Variants in SYNE2 observed in about 807,000 individuals in gnomAD.
The protein encoded by SYNE2 is nesprin-2.
Under a neutral mutation model 856.3 loss-of-function variants are expected in SYNE2, and 431 were observed. That is an observed-to-expected ratio of 0.50 (90% CI 0.47 to 0.55). The LOEUF is 0.55. SYNE2 is among the 20% of genes least tolerant of loss of function. The pLI, the probability that SYNE2 is intolerant of heterozygous loss-of-function variation, is 0.00. For synonymous variants in SYNE2, 2,923 were observed against 2,872.3 expected (o/e 1.02, Z -0.56); for missense variants, 8,129 against 8,023.2 (o/e 1.01, Z -0.50).
chr14:64,156,631 G>C (rs888873623), intron 85 of SYNE2, among the ~76,000 whole-genome samples: 1 of 151,342 alleles, frequency 6.6e-6, no homozygotes, highest in South Asian at 2.1e-4. Context: ...GCTAATTTTT[G>C]TATTATTAGT....
intron 1 of SYNE2, among the ~76,000 whole-genome samples, chr14:63,843,989 C>T (rs746653662): frequency 2.0e-5 from 3 of 152,116 alleles, no homozygotes; most frequent in Non-Finnish European, 2.9e-5. Flanking sequence ...TATCAGCATC[C>T]GGCACCAGAG....
intron 10 of SYNE2, among the ~76,000 whole-genome samples, chr14:63,965,031 T>G (rs2096372077): frequency 1.3e-5 from 2 of 151,348 alleles, no homozygotes; most frequent in Non-Finnish European, 2.9e-5. Flanking sequence ...GGTGTGACCT[T>G]GGCTCACTAC....
chr14:64,013,475 A>C (rs1026794679), intron 32 of SYNE2, among the ~76,000 whole-genome samples: 4 of 151,672 alleles, frequency 2.6e-5, no homozygotes, highest in African/African-American at 9.7e-5. Context: ...CCCTCACCCC[A>C]CTCCCACTGT....
chr14:63,962,961 C>G (rs547274852), intron 9 of SYNE2, among the ~76,000 whole-genome samples: 2 of 152,180 alleles, frequency 1.3e-5, no homozygotes, highest in Admixed American at 1.3e-4. Context: ...AACTCTTATT[C>G]TGCTTCTAAG....
intron 98 of SYNE2, among the ~76,000 whole-genome samples, 198 bp from the exon 99 acceptor site, chr14:64,189,873 G>C (rs554603339): frequency 1.3e-5 from 2 of 152,278 alleles, no homozygotes; most frequent in East Asian, 3.9e-4. Context: ...GTGTTGCACA[G>C]GCTAGTCTTG....
chr14:63,832,297 T>C (rs1566595930), intron 1 of SYNE2, among the ~76,000 whole-genome samples: 1 of 151,134 alleles, frequency 6.6e-6, no homozygotes, highest in Non-Finnish European at 1.5e-5. Context: ...AATCCAGGAG[T>C]TCAACACCAG....
In SYNE2 at chr14:64,049,738, A is replaced by G; in HGVS notation, c.7505A>G (p.Asp2502Gly). Residue 2502 changes from aspartate to glycine, a missense_variant, in exon 47 of 116, where the codon GAC (aspartate) becomes GGC (glycine). Around this residue, in one of 3 missense-constraint regions of SYNE2, gnomAD observed 5,410 missense variants for 5,284.8 expected, o/e 1.02. Transcript: ENST00000555002. ...HNIGYSAQHLDNLLQALITLK... is the reference protein window; with the variant it reads ...HNIGYSAQHLGNLLQALITLK... ...ATAGGATATTCGGCACAGCATTTGG[A>G]CAATTTGCTTCAGGCACTTATTACT... 1 of 1,614,168 alleles carries G rather than the reference A, an allele frequency of 6.2e-7. No individual in the cohort carries two copies. The highest frequency in any genetic ancestry group is 8.5e-7 in the Non-Finnish European group (1 of 1,180,020).
intron 12 of SYNE2, among the ~76,000 whole-genome samples, chr14:63,977,119 A>G (rs1365685362): frequency 6.6e-6 from 1 of 152,188 alleles, no homozygotes; most frequent in Non-Finnish European, 1.5e-5. Flanking sequence ...AAAGGAATGG[A>G]AAATACACCA....
intron 11 of SYNE2, among the ~76,000 whole-genome samples, chr14:63,968,410 G>A (rs752059856): frequency 2.0e-5 from 3 of 152,042 alleles, no homozygotes; most frequent in Admixed American, 6.5e-5. Context: ...TTCTTGGTTT[G>A]CCACAGTAGA....
chr14:63,955,020 T>A (rs2096222860), intron 8 of SYNE2, 105 bp downstream of exon 8: 1 of 930,862 alleles, frequency 1.1e-6, no homozygotes, highest in African/African-American at 1.6e-5. Context: ...TCTATTTTAG[T>A]CCTGGAGGGT....
Position 64,037,929 on chromosome 14 carries a change from C to T in SYNE2, c.7221+6572C>T, listed in dbSNP as rs375820105. The stretch of plus-strand genomic sequence containing the variant: ...CTCCCTCCCGGACCGGGCGGCTGGC[C>T]GGGCGGGGGGCTGACCCCCCCACCT... On this transcript the variant is annotated intron_variant, in intron 45 of 115. Transcript: ENST00000555002. Among the ~76,000 whole-genome samples the T allele has an allele frequency of 1.0e-3, 154 of 150,430 alleles. 2 individuals carry two copies. The South Asian group carries it at 0.015, about 15-fold the overall frequency.
At chr14:64,089,367 A>AG (rs1270947329) in intron 58 of SYNE2, among the ~76,000 whole-genome samples, 1 of 77,226 alleles carries the variant, frequency 1.3e-5, no homozygotes, top group East Asian at 4.2e-4. Context: ...ACTCCGTCTC[A>AG]GGAAAAAAAA....
intron 31 of SYNE2, among the ~76,000 whole-genome samples, chr14:64,008,898 C>T (rs530251102): frequency 5.3e-5 from 8 of 152,234 alleles, no homozygotes; most frequent in African/African-American, 1.4e-4. Context: ...GACCTATTTG[C>T]GGGGGTTAAT....
intron 18 of SYNE2, among the ~76,000 whole-genome samples, 157 bp downstream of exon 18, chr14:63,984,043 A>G (rs927195537): frequency 6.6e-6 from 1 of 152,148 alleles, no homozygotes; most frequent in Admixed American, 6.6e-5. Flanking sequence ...GGAGTTCGAA[A>G]TCAGCCTGGG....
chr14:64,019,388 C>T (rs1286143005), intron 34 of SYNE2, among the ~76,000 whole-genome samples: 3 of 152,012 alleles, frequency 2.0e-5, no homozygotes, highest in African/African-American at 7.2e-5. Context: ...CTCGTTTTGT[C>T]TCTAACTATT....
At chr14:64,163,033 C>A (rs1349504486) in intron 88 of SYNE2, among the ~76,000 whole-genome samples, 1 of 152,164 alleles carries the variant, frequency 6.6e-6, no homozygotes, top group Non-Finnish European at 1.5e-5. Context: ...ATCAGAAAGT[C>A]TCAGGCAGGG....
intron 61 of SYNE2, chr14:64,095,128 T>G (rs766900560): frequency 1.2e-5 from 2 of 170,382 alleles, no homozygotes; most frequent in Non-Finnish European, 2.9e-5. Flanking sequence ...TGGACAGATG[T>G]GGGTGCTGCA....
intron 65 of SYNE2, 136 bp from the exon 66 acceptor site, chr14:64,113,205 A>G: frequency 1.3e-6 from 2 of 1,524,214 alleles, no homozygotes; most frequent in Admixed American, 4.2e-5. Flanking sequence ...GTGGAGGTGC[A>G]TTTCTCTTTT....
chr14:63,828,846 G>T (rs1012392799), intron 1 of SYNE2, among the ~76,000 whole-genome samples: 1 of 152,102 alleles, frequency 6.6e-6, no homozygotes, highest in East Asian at 1.9e-4. Context: ...TTGCATTTTG[G>T]TATCATCGTG....
Sources: allele counts gnomAD v4.1 joint callset (sites outside exome capture counted in the v4.1 genomes callset), GRCh38; gene constraint gnomAD v4.1.1; regional missense constraint gnomAD v4.1.1; transcripts MANE v1.5; gene names NCBI Gene and HGNC (gene_info 2026-07-23, HGNC 2026-07-21).